The following CCDC61 variants were observed in gnomAD, a reference collection of about 807,000 sequenced individuals.
CCDC61 encodes coiled-coil domain containing 61.
CCDC61 carries 55 observed loss-of-function variants against 63.0 expected under a neutral mutation model. The ratio of observed to expected loss-of-function variants is 0.87; its 90% CI spans 0.70 to 1.09. The LOEUF is 1.09. Among genes scored for constraint, CCDC61 ranks in the 50% least tolerant of loss-of-function variants. The pLI is 0.00. For synonymous variants in CCDC61, 270 were observed against 317.0 expected, an observed-to-expected ratio of 0.85 and a Z score of 1.58; for missense variants, 651 against 731.4, an observed-to-expected ratio of 0.89 and a Z score of 1.27.
chr19:46,012,122 A>T (rs932263175), intron 5 of CCDC61, among the ~76,000 whole-genome samples: 1 of 151,974 alleles, frequency 6.6e-6, no homozygotes, highest in East Asian at 1.9e-4. Context: ...TTCTTTTTTT[A>T]AAAATTTTGT....
intron 5 of CCDC61, among the ~76,000 whole-genome samples, chr19:46,012,956 A>G (rs1968857104): frequency 6.6e-6 from 1 of 151,680 alleles, no homozygotes; most frequent in South Asian, 2.1e-4. Context: ...GGTTCAGACA[A>G]CCTTCCTGCC....
intron 1 of CCDC61, among the ~76,000 whole-genome samples, chr19:45,997,152 C>T (rs905786098): frequency 6.6e-6 from 1 of 152,080 alleles, no homozygotes; most frequent in Non-Finnish European, 1.5e-5. Context: ...CCTTTGTACT[C>T]GCTGTCCCTG....
At chr19:45,999,700 G>T (rs887804295) in intron 1 of CCDC61, among the ~76,000 whole-genome samples, 1 of 152,124 alleles carries the variant, frequency 6.6e-6, no homozygotes, top group Admixed American at 6.5e-5. Flanking sequence ...TGGAGCCAGG[G>T]GTGGTGATGT....
intron 4 of CCDC61, 29 bp from the exon 5 acceptor site, chr19:46,008,111 A>G (rs374776359): frequency 7.6e-6 from 12 of 1,575,086 alleles, no homozygotes; most frequent in Admixed American, 3.8e-5. Context: ...GGCCTCTGAG[A>G]TGCCACGGTT....
intron 1 of CCDC61, among the ~76,000 whole-genome samples, chr19:45,998,205 G>A (rs10412722): frequency 0.12 from 17,605 of 152,228 alleles, 1,174 homozygotes; most frequent in Middle Eastern, 0.24. Context: ...TGGTAGGGTC[G>A]GAGGTGGGGG....
intron 3 of CCDC61, among the ~76,000 whole-genome samples, chr19:46,005,910 T>G (rs1195571901): frequency 6.6e-6 from 1 of 151,942 alleles, no homozygotes; most frequent in Non-Finnish European, 1.5e-5. Context: ...ACAGAAGTAC[T>G]TGATGTGTAC....
chr19:46,002,146 A>G (rs1968602417), intron 1 of CCDC61, among the ~76,000 whole-genome samples: 1 of 151,418 alleles, frequency 6.6e-6, no homozygotes, highest in Non-Finnish European at 1.5e-5. Context: ...GGGTTTCACC[A>G]TTGTTGGCCA....
chr19:45,995,483 A>G lies in CCDC61; in HGVS notation c.-33A>G. On this transcript the variant is annotated 5_prime_UTR_variant, in exon 1 of 14. Coordinates refer to ENST00000595358, the MANE Select transcript of CCDC61 (RefSeq NM_001267723.2). Reference sequence around the variant, plus strand: ...AGCTTCGTCAGTTGAACCGCTCGCGAGGAGGGTTGCTAGTGGAGAAGGTGA... The same window carrying G: ...AGCTTCGTCAGTTGAACCGCTCGCGGGGAGGGTTGCTAGTGGAGAAGGTGA... The G allele has an allele frequency of 1.9e-6, 1 of 529,878 alleles. No individual in the cohort carries two copies. Among genetic ancestry groups the G allele is most frequent in the South Asian group, 1.4e-5 (1 of 70,568 alleles). 32.8% of individuals were successfully genotyped at this position (529,878 alleles called of 1,614,324 possible).
intron 5 of CCDC61, among the ~76,000 whole-genome samples, chr19:46,011,632 C>T (rs573103342): frequency 6.6e-6 from 1 of 152,270 alleles, no homozygotes; most frequent in South Asian, 2.1e-4. Context: ...TGGCAAGATG[C>T]CTCCTTTGGT....
At chr19:46,004,835 CTTTTTTTTT>C (rs748867869) in intron 3 of CCDC61, among the ~76,000 whole-genome samples, 2 of 95,246 alleles carry the variant, frequency 2.1e-5, no homozygotes, top group African/African-American at 4.3e-5. Context: ...ATTTAGATAT[CTTTTTTTTT>C]TTTTTTTTTT....
chr19:46,001,351 CG>C (rs1933235243), intron 1 of CCDC61, among the ~76,000 whole-genome samples: 2 of 152,146 alleles, frequency 1.3e-5, no homozygotes, highest in South Asian at 4.2e-4. Context: ...CTCAGCCTCC[CG>C]AGTAGCTGGG....
rs1968902109 is a variant in CCDC61 at position 46,015,168 on chromosome 19, G to C, written c.671G>C (p.Arg224Pro). Reference protein sequence around the residue: ...QEAEALRGLVRGLELELRQER... With the variant: ...QEAEALRGLVPGLELELRQER... Reference sequence around the variant, plus strand: ...GCCGAGGCGCTGCGCGGGCTGGTGCGCGGGCTGGAGCTGGAGCTGCGGCAG... The same window carrying C: ...GCCGAGGCGCTGCGCGGGCTGGTGCCCGGGCTGGAGCTGGAGCTGCGGCAG... The change falls in exon 6 of 14, where the codon CGC (arginine) becomes CCC (proline). Residue 224 changes from arginine to proline, a missense_variant. Transcript: ENST00000595358. The surrounding 1 kb of genome is among the most constrained non-coding windows in gnomAD (Gnocchi z 5.3). 1 of 1,262,506 alleles carries C rather than the reference G, an allele frequency of 7.9e-7. No individual in the cohort carries two copies. 78.2% of individuals were successfully genotyped at this position (1,262,506 alleles called of 1,614,324 possible). A position where few individuals can be genotyped will look rare whatever the true frequency, so the allele number is the denominator to read the frequency against.
intron 5 of CCDC61, among the ~76,000 whole-genome samples, chr19:46,013,478 GA>G (rs1968866754): frequency 6.6e-6 from 1 of 152,090 alleles, no homozygotes; most frequent in African/African-American, 2.4e-5. Flanking sequence ...CTTTTCTTGT[GA>G]TGAAAATCTT....
Position 46,015,896 on chromosome 19 carries a change from G to C in CCDC61, c.846-158G>C, listed in dbSNP as rs894072446. Among the ~76,000 whole-genome samples the C allele has an allele frequency of 1.1e-4, 16 of 152,040 alleles. No individual in the cohort carries two copies. The highest frequency in any genetic ancestry group is 2.1e-4 in the South Asian group (1 of 4,818). On this transcript the variant is annotated intron_variant, in intron 7 of 13. Coordinates refer to ENST00000595358, the MANE Select transcript of CCDC61 (RefSeq NM_001267723.2). This position sits in a 1 kb window ranked among gnomAD's most constrained non-coding sequence, Gnocchi z 5.3. Reference sequence around the variant, plus strand: ...TTAGGGGTCCAATTGGGTGAGGTCTGGGGGGGAAGATATCGAGAGGGTCAT... The same window carrying C: ...TTAGGGGTCCAATTGGGTGAGGTCTCGGGGGGAAGATATCGAGAGGGTCAT...
At position 46,016,445 on chromosome 19, in the gene CCDC61, C is replaced by T; in HGVS notation, c.1091+52C>T. The T allele has an allele frequency of 1.3e-6, 2 of 1,587,506 alleles. No homozygotes were observed. The highest frequency in any genetic ancestry group is 1.7e-6 in the Non-Finnish European group (2 of 1,159,654). ...CCCCTGTCCCTGGCCCGTGCCCGCTCCCGGGCTCTCATCTCTCCACGCCAC... is the reference window on the plus strand; with the variant it reads ...CCCCTGTCCCTGGCCCGTGCCCGCTTCCGGGCTCTCATCTCTCCACGCCAC... On this transcript the variant is annotated intron_variant, in intron 9 of 13. Coordinates refer to ENST00000595358, the MANE Select transcript of CCDC61 (RefSeq NM_001267723.2). The surrounding 1 kb of genome is among the most constrained non-coding windows in gnomAD (Gnocchi z 7.2).
At chr19:45,995,616 T>G in intron 1 of CCDC61, 112 bp downstream of exon 1, 1 of 372,170 alleles carries the variant, frequency 2.7e-6, no homozygotes, top group South Asian at 1.9e-5. Context: ...GACCTGGCCT[T>G]GTAGGAATCG....
At position 46,015,314 on chromosome 19, in the gene CCDC61, G is replaced by C. The variant is rs780307929; in HGVS notation, c.763-31G>C. On this transcript the variant is annotated intron_variant, in intron 6 of 13. Transcript: ENST00000595358. The surrounding 1 kb of genome is among the most constrained non-coding windows in gnomAD (Gnocchi z 5.3). ...GAGGCGCGGACCTCGGCCTCAGCCT[G>C]GACCTCCGCGCCCCTCTCCCCTCCC... 1 of 1,587,350 alleles carries C rather than the reference G, an allele frequency of 6.3e-7. No individual in the cohort carries two copies.
chr19:45,999,941 T>G, intron 1 of CCDC61: 1 of 823,308 alleles, frequency 1.2e-6, no homozygotes, highest in Non-Finnish European at 1.5e-6. Context: ...CTGGGATGCG[T>G]GAGGTCAGGA....
At chr19:46,010,385 ACTC>A (rs2146475734) in intron 5 of CCDC61, among the ~76,000 whole-genome samples, 1 of 152,128 alleles carries the variant, frequency 6.6e-6, no homozygotes, top group Non-Finnish European at 1.5e-5. Flanking sequence ...GGAAACGGAC[ACTC>A]CTCTACATGC....
Sources: gnomAD v4.1 joint callset for allele counts (sites outside exome capture counted in the v4.1 genomes callset) on GRCh38, gnomAD v4.1.1 for gene constraint, Gnocchi (gnomAD v3.1) non-coding constraint, MANE v1.5 for transcripts, NCBI Gene and HGNC (gene_info 2026-07-23, HGNC 2026-07-21) for gene names.